The following MFN1 variants were observed in gnomAD, a reference collection of about 807,000 sequenced individuals.
MFN1 encodes mitofusin 1.
Under a neutral mutation model 92.4 loss-of-function variants are expected in MFN1, and 65 were observed. That is an observed-to-expected ratio of 0.70 (90% CI 0.58 to 0.86). The LOEUF is 0.86. MFN1 is among the 40% of genes least tolerant of loss of function. MFN1 has a pLI of 0.00. For missense variants in MFN1, 781 were observed against 868.0 expected, an observed-to-expected ratio of 0.90 and a Z score of 1.26; for synonymous variants, 297 against 300.9, an observed-to-expected ratio of 0.99 and a Z score of 0.13.
At chr3:179,364,194 C>G in intron 5 of MFN1, 103 bp from the exon 6 acceptor site, 1 of 672,868 alleles carries the variant, frequency 1.5e-6, no homozygotes, top group Non-Finnish European at 2.3e-6. Context: ...AGCTGGAAAT[C>G]CTGGTTTTTA....
chr3:179,368,568 ACATGTC>A (rs1712895847), intron 9 of MFN1, among the ~76,000 whole-genome samples: 1 of 152,220 alleles, frequency 6.6e-6, no homozygotes, highest in Non-Finnish European at 1.5e-5. Context: ...CTGTGTTACC[ACATGTC>A]CATTCTCCAT....
chr3:179,352,286 T>C (rs999286768), intron 3 of MFN1, among the ~76,000 whole-genome samples: 2 of 152,242 alleles, frequency 1.3e-5, no homozygotes, highest in Non-Finnish European at 2.9e-5. Flanking sequence ...TAGACAGTTT[T>C]AAGAATGGAA....
intron 9 of MFN1, among the ~76,000 whole-genome samples, chr3:179,370,392 C>CTTTTTTTTTTTTTTTT (rs34938438): frequency 1.8e-4 from 16 of 88,068 alleles, no homozygotes; most frequent in East Asian, 4.0e-4. Flanking sequence ...TCACTAAGTT[C>CTTTTTTTTTTTTTTTT]TTTTTTTTTT....
chr3:179,385,517 C>G, intron 14 of MFN1, 52 bp from the exon 15 acceptor site: 1 of 1,514,734 alleles, frequency 6.6e-7, no homozygotes, highest in African/African-American at 1.4e-5. Context: ...ATAAAGATAA[C>G]TTTATAGTTG....
rs1713355712 is a variant in MFN1 at position 179,378,787 on chromosome 3, C to T, written c.1635C>T (p.Leu545=). Residue 545 remains leucine, a synonymous_variant, in exon 14 of 18, where the codon CTC becomes CTT. Coordinates refer to ENST00000471841, the MANE Select transcript of MFN1 (RefSeq NM_033540.3). ...GCCCTAGAAATGCTCAAAGGGTGCT[C>T]CTAGGATTATCAGAGCCTATCTTTC... ...FLGPRNAQRV[L]LGLSEPIFQL... is the part of the protein sequence containing the mutation. 2 of 1,613,224 alleles carry T rather than the reference C, an allele frequency of 1.2e-6. No individual in the cohort carries two copies. The highest frequency in any genetic ancestry group is 2.7e-5 in the African/African-American group (2 of 74,884).
At chr3:179,356,865 T>C (rs1712363384) in intron 3 of MFN1, among the ~76,000 whole-genome samples, 1 of 152,174 alleles carries the variant, frequency 6.6e-6, no homozygotes, top group Non-Finnish European at 1.5e-5. Context: ...GTTGATATGC[T>C]GAGACACCAG....
Position 179,393,843 on chromosome 3 carries a change from C to T in MFN1, c.*1784C>T, listed in dbSNP as rs1713997192. ...GTACAGTGGTTCTCAAAGTTTGGTC[C>T]TGGGTCATCGACATTACTTCTTTTT... On this transcript the variant is annotated 3_prime_UTR_variant, in exon 18 of 18. Transcript: ENST00000471841. 1 of 152,172 alleles carries T rather than the reference C, an allele frequency of 6.6e-6. No homozygotes were observed. Among genetic ancestry groups the T allele is most frequent in the African/African-American group, 2.4e-5 (1 of 41,416 alleles). 9.4% of individuals were successfully genotyped at this position (152,172 alleles called of 1,614,324 possible).
At chr3:179,362,124 A>G (rs373332622) in intron 4 of MFN1, among the ~76,000 whole-genome samples, 2 of 152,316 alleles carry the variant, frequency 1.3e-5, no homozygotes, top group African/African-American at 4.8e-5. Flanking sequence ...ACTTCACAAA[A>G]TCAGTATCAG....
At chr3:179,352,100 C>A in intron 3 of MFN1, 65 bp downstream of exon 3, 2 of 1,482,190 alleles carry the variant, frequency 1.3e-6, no homozygotes, top group East Asian at 2.3e-5. Flanking sequence ...GATGTTTCAA[C>A]AAGTAATATT....
intron 10 of MFN1, chr3:179,376,790 G>T: frequency 3.5e-6 from 1 of 285,008 alleles, no homozygotes; most frequent in Non-Finnish European, 6.6e-6. Flanking sequence ...TCATATCTAT[G>T]AAGACTTAGA....
chr3:179,381,127 CGCAGAACAACTGCCTA>C (rs1238131271), intron 14 of MFN1, among the ~76,000 whole-genome samples: 5 of 152,114 alleles, frequency 3.3e-5, no homozygotes, highest in African/African-American at 1.2e-4. Context: ...TCATTGACCT[CGCAGAACAACTGCCTA>C]TAGGCAGCAT....
At chr3:179,359,722 G>A (rs1351775880) in intron 4 of MFN1, 1 of 149,848 alleles carries the variant, frequency 6.7e-6, no homozygotes, top group Non-Finnish European at 1.5e-5. Flanking sequence ...TTATAGGCAT[G>A]CGCCACCACA....
At chr3:179,367,903 A>G (rs974238616) in intron 8 of MFN1, 133 bp from the exon 9 acceptor site, 4 of 455,686 alleles carry the variant, frequency 8.8e-6, no homozygotes, top group African/African-American at 2.1e-5. Context: ...AGCTCTGGGC[A>G]ACAGAGCAAG....
intron 2 of MFN1, among the ~76,000 whole-genome samples, chr3:179,349,859 A>G (rs1247936947): frequency 6.6e-6 from 1 of 150,884 alleles, no homozygotes; most frequent in African/African-American, 2.4e-5. Context: ...TCTTAAGATT[A>G]TGTACCTCTC....
chr3:179,386,524 A>G lies in MFN1; in HGVS notation c.1907A>G (p.His636Arg), dbSNP rs772625420. The change falls in exon 16 of 18, where the codon CAT becomes CGT. Residue 636 changes from histidine to arginine, a missense_variant. Coordinates refer to ENST00000471841, the MANE Select transcript of MFN1 (RefSeq NM_033540.3). ...TATGAAAGACTGAGCTGGACCACCCATGCCAAGGAGCGAGCCTTTAAACAG... is the reference window on the plus strand; with the variant it reads ...TATGAAAGACTGAGCTGGACCACCCGTGCCAAGGAGCGAGCCTTTAAACAG... ...YLYERLSWTTHAKERAFKQQF... is the reference protein window; with the variant it reads ...YLYERLSWTTRAKERAFKQQF... 1.2e-6 allele frequency: 2 copies of G among 1,614,100 alleles called. No individual in the cohort carries two copies. The highest frequency in any genetic ancestry group is 1.7e-5 in the Admixed American group (1 of 60,004).
intron 5 of MFN1, among the ~76,000 whole-genome samples, chr3:179,362,988 GCCAGATTGTATCTATGAC>G (rs1193458164): frequency 6.6e-6 from 1 of 152,100 alleles, no homozygotes; most frequent in African/African-American, 2.4e-5. Flanking sequence ...TTATTTCATA[GCCAGATTGTATCTATGAC>G]CCAGTCAGTC....
intron 12 of MFN1, among the ~76,000 whole-genome samples, chr3:179,377,860 C>T (rs1285284794): frequency 6.6e-6 from 1 of 151,818 alleles, no homozygotes; most frequent in Non-Finnish European, 1.5e-5. Flanking sequence ...GTCAGGAGTT[C>T]GAGACCAGCC....
At chr3:179,365,707 A>G (rs1369686764) in intron 7 of MFN1, among the ~76,000 whole-genome samples, 3 of 152,224 alleles carry the variant, frequency 2.0e-5, no homozygotes, top group Non-Finnish European at 2.9e-5. Flanking sequence ...TTATCCATTT[A>G]TCATGACTTC....
In MFN1 at chr3:179,368,210, A is replaced by G. The variant is rs7355835; in HGVS notation, c.975+107A>G. 8,229 of 845,132 alleles carry G rather than the reference A, an allele frequency of 9.7e-3. 345 individuals are homozygous for G. In the African/African-American group the frequency reaches 0.11, roughly 11 times the overall value. The allele number at this position is 845,132 out of a possible 1,614,324, so 52.4% of individuals were successfully genotyped here. On this transcript the variant is annotated intron_variant, in intron 9 of 17. Transcript: ENST00000471841. ...GTCTTTGTCAATAACTTTTGCTGTT[A>G]TTTAGTTTAGTTACTGACACAGCCA...
Sources: gnomAD v4.1 joint callset for allele counts (sites outside exome capture counted in the v4.1 genomes callset) on GRCh38, gnomAD v4.1.1 for gene constraint, MANE v1.5 for transcripts, NCBI Gene and HGNC (gene_info 2026-07-23, HGNC 2026-07-21) for gene names.